TTLL1: variants seen among roughly 807,000 people sequenced by gnomAD.
TTLL1 encodes TTL family tubulin polyglutamylase complex subunit L1.
TTLL1 carries 33 observed loss-of-function variants against 47.8 expected under a neutral mutation model. The ratio of observed to expected loss-of-function variants is 0.69; its 90% CI spans 0.52 to 0.92. The LOEUF (loss-of-function observed/expected upper bound fraction) is 0.92, where lower values mean the gene tolerates loss of function less well. TTLL1 is among the 40% of genes least tolerant of loss of function. The pLI is 0.00. For missense variants in TTLL1, 488 were observed against 547.5 expected (o/e 0.89, Z 1.08); for synonymous variants, 225 against 214.1 (o/e 1.05, Z -0.45).
intron 10 of TTLL1, among the ~76,000 whole-genome samples, chr22:43,041,690 A>AT (rs111597822): frequency 0.038 from 5,826 of 151,866 alleles, 385 homozygotes; most frequent in African/African-American, 0.13. Context: ...AACTTTTTGT[A>AT]TTTTTGGTAG....
chr22:43,059,681 T>C (rs928522085), intron 7 of TTLL1, among the ~76,000 whole-genome samples, 154 bp from the exon 8 acceptor site: 1 of 152,096 alleles, frequency 6.6e-6, no homozygotes, highest in African/African-American at 2.4e-5. Flanking sequence ...CAGGGAGATC[T>C]GGGCCGGCTA....
Position 43,070,038 on chromosome 22 carries a change from T to C in TTLL1, c.114-194A>G, listed in dbSNP as rs935680755. The C allele has an allele frequency of 5.4e-5, 64 of 1,181,852 alleles. No individual in the cohort carries two copies. The South Asian group carries it at 8.3e-4, about 15-fold the overall frequency. The allele number at this position is 1,181,852 out of a possible 1,614,324, so 73.2% of individuals were successfully genotyped here. A position where few individuals can be genotyped will look rare whatever the true frequency, so the allele number is the denominator to read the frequency against. On this transcript the variant is annotated intron_variant, in intron 3 of 10. Coordinates refer to ENST00000266254, the MANE Select transcript of TTLL1 (RefSeq NM_012263.5). Reference sequence around the variant, plus strand: ...GCCCAGGGACAGGCCGGGACCCAAGTGGTGTGAGGGCCAGGAGCTGTGCTG... The same window carrying C: ...GCCCAGGGACAGGCCGGGACCCAAGCGGTGTGAGGGCCAGGAGCTGTGCTG...
chr22:43,084,603 G>A (rs986207807), intron 1 of TTLL1, among the ~76,000 whole-genome samples: 12 of 152,010 alleles, frequency 7.9e-5, no homozygotes, highest in Non-Finnish European at 1.2e-4. Context: ...CTGGGCTCAC[G>A]CCATTCTCCT....
At chr22:43,080,735 C>T (rs1309388372) in intron 1 of TTLL1, among the ~76,000 whole-genome samples, 3 of 151,992 alleles carry the variant, frequency 2.0e-5, no homozygotes, top group Non-Finnish European at 2.9e-5. Context: ...CATTCTCAGC[C>T]TTAGCTGGAT....
intron 3 of TTLL1, among the ~76,000 whole-genome samples, chr22:43,075,157 T>C (rs1928399922): frequency 6.6e-6 from 1 of 152,052 alleles, no homozygotes; most frequent in South Asian, 2.1e-4. Flanking sequence ...AGAGCAAGAC[T>C]CTGTCCTGTC....
chr22:43,046,949 G>T (rs891124227), intron 9 of TTLL1, among the ~76,000 whole-genome samples: 3 of 152,140 alleles, frequency 2.0e-5, no homozygotes, highest in African/African-American at 7.2e-5. Context: ...GGTATTACAG[G>T]CGTGAGCCAC....
At position 43,051,907 on chromosome 22, in the gene TTLL1, T is replaced by G. The variant is rs1253508392; in HGVS notation, c.892-20A>C. ...CACCGGCTGGAGAGAGAGTGACCAG[T>G]GGGTGACATGGCCAGCATCGAAGGG... On this transcript the variant is annotated intron_variant, in intron 8 of 10. Coordinates refer to ENST00000266254, the MANE Select transcript of TTLL1 (RefSeq NM_012263.5). The G allele has an allele frequency of 6.2e-7, 1 of 1,611,228 alleles. No homozygotes were observed.
chr22:43,069,590 A>G, intron 4 of TTLL1, 46 bp downstream of exon 4: 1 of 1,612,238 alleles, frequency 6.2e-7, no homozygotes, highest in Non-Finnish European at 8.5e-7. Context: ...CAAAGAAAAA[A>G]TTCAGCTGTT....
intron 10 of TTLL1, 102 bp from the exon 11 acceptor site, chr22:43,040,007 C>A: frequency 6.7e-7 from 1 of 1,498,308 alleles, no homozygotes; most frequent in South Asian, 1.3e-5. Flanking sequence ...CCCAGAGAAG[C>A]GGCCTGAGGG....
chr22:43,073,715 C>G (rs544318556), intron 3 of TTLL1, among the ~76,000 whole-genome samples: 4 of 152,138 alleles, frequency 2.6e-5, no homozygotes, highest in African/African-American at 7.2e-5. Context: ...CCCACCCCCC[C>G]ATACTGTTTA....
chr22:43,064,387 A>T, intron 5 of TTLL1, 63 bp from the exon 6 acceptor site: 1 of 1,548,340 alleles, frequency 6.5e-7, no homozygotes, highest in Non-Finnish European at 8.8e-7. Context: ...GACACAATCC[A>T]AGAAAGGAAT....
At chr22:43,078,251 T>C (rs1928638073) in intron 2 of TTLL1, among the ~76,000 whole-genome samples, 1 of 151,916 alleles carries the variant, frequency 6.6e-6, no homozygotes, top group African/African-American at 2.4e-5. Flanking sequence ...ATCCCAGCAC[T>C]TTGGGAGGCT....
intron 1 of TTLL1, among the ~76,000 whole-genome samples, chr22:43,088,041 G>A (rs1245363772): frequency 1.3e-5 from 2 of 151,546 alleles, no homozygotes; most frequent in Non-Finnish European, 2.9e-5. Context: ...ACAGCTACAT[G>A]GGAGGCTGAG....
intron 2 of TTLL1, among the ~76,000 whole-genome samples, chr22:43,078,271 G>A (rs536835861): frequency 1.3e-5 from 2 of 151,770 alleles, no homozygotes; most frequent in African/African-American, 2.4e-5. Flanking sequence ...TGAGGTGGGC[G>A]GATCACCTGA....
rs147822074 is a variant in TTLL1 at position 43,046,544 on chromosome 22, G to A, written c.1008C>T (p.Ser336=). Residue 336 remains serine, a synonymous_variant, in exon 10 of 11, where the codon AGC becomes AGT. Coordinates refer to ENST00000266254, the MANE Select transcript of TTLL1 (RefSeq NM_012263.5). ...ACTTGAGGATTCGGTCATTGGCAGT[G>A]CTGGACGTGAGAGACGGGGACGCAT... ...EVNASPSLTS[S]TANDRILKYN... The A allele has an allele frequency of 5.6e-6, 9 of 1,614,074 alleles. No homozygotes were observed. Among genetic ancestry groups the A allele is most frequent in the African/African-American group, 2.7e-5 (2 of 74,938 alleles).
intron 8 of TTLL1, among the ~76,000 whole-genome samples, chr22:43,053,999 CCAAT>C (rs1926826350): frequency 1.3e-5 from 2 of 152,190 alleles, no homozygotes; most frequent in African/African-American, 4.8e-5. Flanking sequence ...TTAACCCTTC[CCAAT>C]CATGAAGTCA....
At chr22:43,075,618 T>A in intron 2 of TTLL1, 28 bp from the exon 3 acceptor site, 1 of 1,597,186 alleles carries the variant, frequency 6.3e-7, no homozygotes, top group Non-Finnish European at 8.6e-7. Flanking sequence ...ATTAGAGATA[T>A]GAAACTTCAA....
At chr22:43,049,405 C>T (rs1281285301) in intron 9 of TTLL1, among the ~76,000 whole-genome samples, 2 of 152,026 alleles carry the variant, frequency 1.3e-5, no homozygotes, top group African/African-American at 4.8e-5. Context: ...TATCTGTAAT[C>T]CCAGCTACTC....
intron 1 of TTLL1, among the ~76,000 whole-genome samples, chr22:43,086,277 G>A (rs1929222565): frequency 6.6e-6 from 1 of 152,142 alleles, no homozygotes; most frequent in Non-Finnish European, 1.5e-5. Context: ...GTGACATATT[G>A]ACCTTTTATG....
Sources: gnomAD v4.1 joint callset for allele counts (sites outside exome capture counted in the v4.1 genomes callset) on GRCh38, gnomAD v4.1.1 for gene constraint, MANE v1.5 for transcripts, NCBI Gene and HGNC (gene_info 2026-07-23, HGNC 2026-07-21) for gene names.